PHACTR3: variants seen among roughly 807,000 people sequenced by gnomAD.
PHACTR3 encodes protein phosphatase 1, regulatory subunit 123.
In PHACTR3, 16 loss-of-function variants were observed where a neutral mutation model predicts 66.8. That is an observed-to-expected ratio of 0.24 (90% CI 0.16 to 0.36). The LOEUF (loss-of-function observed/expected upper bound fraction) is 0.36. Ranked by LOEUF, PHACTR3 falls within the 10% of genes least tolerant of loss-of-function variation. PHACTR3 has a pLI of 1.00. For synonymous variants in PHACTR3, 323 were observed against 292.1 expected, an observed-to-expected ratio of 1.11 and a Z score of -1.08; for missense variants, 647 against 719.9, an observed-to-expected ratio of 0.90 and a Z score of 1.16.
At chr20:59,635,516 G>A (rs906615416) in intron 1 of PHACTR3, among the ~76,000 whole-genome samples, 1 of 151,906 alleles carries the variant, frequency 6.6e-6, no homozygotes, top group African/African-American at 2.4e-5. Context: ...TTACAGGCAT[G>A]TGCCATCGTG....
At chr20:59,682,757 C>T (rs774339461) in intron 1 of PHACTR3, among the ~76,000 whole-genome samples, 22 of 152,238 alleles carry the variant, frequency 1.4e-4, no homozygotes, top group African/African-American at 3.1e-4. Flanking sequence ...TCAGTGAAGA[C>T]GCCCCGAATA....
chr20:59,587,254 G>A (rs575700321), intron 1 of PHACTR3, among the ~76,000 whole-genome samples: 2 of 152,316 alleles, frequency 1.3e-5, no homozygotes, highest in South Asian at 2.1e-4. Context: ...GGATATGAGC[G>A]CACCTTTCTT....
intron 1 of PHACTR3, among the ~76,000 whole-genome samples, chr20:59,625,471 G>C (rs1182240384): frequency 1.3e-5 from 2 of 152,236 alleles, no homozygotes; most frequent in East Asian, 3.9e-4. Context: ...TTCTGCTCTG[G>C]AATATATTTA....
At chr20:59,667,758 C>A (rs76956456) in intron 1 of PHACTR3, among the ~76,000 whole-genome samples, 5,691 of 152,232 alleles carry the variant, frequency 0.037, 334 homozygotes, top group East Asian at 0.29. Context: ...GAAAGGCTTC[C>A]TGTCCTGCTT....
chr20:59,822,425 C>A (rs910652617), intron 8 of PHACTR3, among the ~76,000 whole-genome samples: 3 of 150,340 alleles, frequency 2.0e-5, no homozygotes, highest in Non-Finnish European at 4.4e-5. Context: ...CACCAGCAGG[C>A]GTGGGGGAGG....
At position 59,790,800 on chromosome 20, in the gene PHACTR3, C is replaced by T. The variant is rs561197138; in HGVS notation, c.1175-15241C>T. Among the ~76,000 whole-genome samples the T allele has an allele frequency of 3.3e-5, 5 of 152,284 alleles. No individual in the cohort carries two copies. The East Asian group carries it at 9.6e-4, about 29-fold the overall frequency. On this transcript the variant is annotated intron_variant, in intron 7 of 12. Coordinates refer to ENST00000371015, the MANE Select transcript of PHACTR3 (RefSeq NM_080672.5). ...GTAGATACTGCAAAATGTTAGCAGT[C>T]GCTTTTTTTAGAGGTGAGATGTGGG... is the stretch of plus-strand genomic sequence containing the variant.
At chr20:59,592,905 A>G (rs2033226034) in intron 1 of PHACTR3, among the ~76,000 whole-genome samples, 1 of 152,162 alleles carries the variant, frequency 6.6e-6, no homozygotes, top group Non-Finnish European at 1.5e-5. Flanking sequence ...CTGCTGAAGG[A>G]CATCTTGGTT....
At chr20:59,844,115 C>T (rs1176452106) in intron 11 of PHACTR3, 2 of 151,798 alleles carry the variant, frequency 1.3e-5, no homozygotes, top group East Asian at 1.9e-4. Context: ...ATCAAAACCA[C>T]GATGAGATAT....
Position 59,744,300 on chromosome 20 carries a change from G to A in PHACTR3, c.280+1032G>A, listed in dbSNP as rs148717654. 1.9e-3 allele frequency among the ~76,000 whole-genome samples: 284 copies of A among 152,350 alleles called. 4 individuals are homozygous for A. The highest frequency in any genetic ancestry group is 7.5e-3 in the South Asian group (36 of 4,830). On this transcript the variant is annotated intron_variant, in intron 2 of 12. Transcript: ENST00000371015. ...CCCTGGCAGCCGGGTGTGGTGGCTC[G>A]TCAGCCTGGGCTCTGCAGATGGCAG...
chr20:59,664,577 C>A (rs1204716859), intron 1 of PHACTR3, among the ~76,000 whole-genome samples: 2 of 152,322 alleles, frequency 1.3e-5, no homozygotes, highest in East Asian at 1.9e-4. Flanking sequence ...CTACACCTCC[C>A]TTCCCAACTC....
upstream of PHACTR3, chr20:59,604,487 G>C: frequency 2.3e-6 from 1 of 434,538 alleles, no homozygotes; most frequent in Non-Finnish European, 3.1e-6. Context: ...CTCTCGCGCG[G>C]CATGATGGGA....
At chr20:59,809,898 C>A (rs1295847641) in intron 8 of PHACTR3, among the ~76,000 whole-genome samples, 1 of 152,090 alleles carries the variant, frequency 6.6e-6, no homozygotes, top group Non-Finnish European at 1.5e-5. Context: ...CTTTGCTGAC[C>A]CCTGATGTGC....
intron 11 of PHACTR3, chr20:59,843,509 T>A (rs947601302): frequency 2.0e-5 from 3 of 151,968 alleles, no homozygotes; most frequent in Non-Finnish European, 2.9e-5. Context: ...TGGAAAAGAA[T>A]AGAAAACCCA....
intron 5 of PHACTR3, 135 bp from the exon 6 acceptor site, chr20:59,773,144 C>T (rs1266599970): frequency 1.7e-5 from 16 of 943,344 alleles, no homozygotes; most frequent in Non-Finnish European, 1.9e-5. Flanking sequence ...CCCGGTCCAG[C>T]ATCTTGGCAT....
At chr20:59,767,140 G>C in intron 4 of PHACTR3, 46 bp from the exon 5 acceptor site, 1 of 1,593,760 alleles carries the variant, frequency 6.3e-7, no homozygotes. Context: ...TTCCACTGCT[G>C]TCAGAGGAAA....
At position 59,604,816 on chromosome 20, in the gene PHACTR3, A is replaced by C; in HGVS notation, c.-199A>C. 5.9e-6 allele frequency: 7 copies of C among 1,181,734 alleles called. No individual in the cohort carries two copies. Among genetic ancestry groups the C allele is most frequent in the East Asian group, 3.6e-5 (1 of 27,850 alleles). 73.2% of individuals were successfully genotyped at this position (1,181,734 alleles called of 1,614,324 possible). ...GCGCCTGGCTGCAGCCGGCGAGGCT[A>C]TTGTCTCCCCGCCCTGAAGCCAGCC... On this transcript the variant is annotated 5_prime_UTR_variant, in exon 1 of 13. Coordinates refer to ENST00000371015, the MANE Select transcript of PHACTR3 (RefSeq NM_080672.5).
intron 7 of PHACTR3, among the ~76,000 whole-genome samples, chr20:59,784,098 G>C (rs2040822392): frequency 6.6e-6 from 1 of 152,100 alleles, no homozygotes. Context: ...TGACTTTAAG[G>C]GGCTTTGAGT....
At chr20:59,799,765 G>A (rs556556204) in intron 7 of PHACTR3, among the ~76,000 whole-genome samples, 57 of 151,950 alleles carry the variant, frequency 3.8e-4, no homozygotes, top group Non-Finnish European at 7.8e-4. Flanking sequence ...GAAAATTTTT[G>A]CCATTAATTA....
At chr20:59,814,065 G>C (rs549750332) in intron 8 of PHACTR3, among the ~76,000 whole-genome samples, 27 of 152,220 alleles carry the variant, frequency 1.8e-4, no homozygotes, top group Non-Finnish European at 3.5e-4. Flanking sequence ...CCAAGGAGGC[G>C]CTGGCTAAGC....
Sources: gnomAD v4.1 joint callset for allele counts (sites outside exome capture counted in the v4.1 genomes callset) on GRCh38, gnomAD v4.1.1 for gene constraint, MANE v1.5 for transcripts, NCBI Gene and HGNC (gene_info 2026-07-23, HGNC 2026-07-21) for gene names.